JADE3: variants seen among roughly 807,000 people sequenced by gnomAD.
JADE3 encodes the protein protein Jade-3.
JADE3 carries 2 observed loss-of-function variants against 50.1 expected under a neutral mutation model. The observed-to-expected ratio is 0.04, with a 90% CI of 0.02 to 0.13. JADE3 has a LOEUF of 0.13. JADE3 is among the 10% of genes least tolerant of loss of function. JADE3 has a pLI of 1.00. For synonymous variants in JADE3, 218 were observed against 232.9 expected (o/e 0.94, Z 0.58); for missense variants, 475 against 634.4 (o/e 0.75, Z 2.70).
intron 1 of JADE3, among the ~76,000 whole-genome samples, chrX:46,970,437 G>A (rs1927459276): frequency 9.0e-6 from 1 of 111,596 alleles, no homozygotes; most frequent in Non-Finnish European, 1.9e-5. Flanking sequence ...ATTGATCTTG[G>A]GATTAACTCA....
chrX:47,008,359 C>T (rs993673088), intron 4 of JADE3, among the ~76,000 whole-genome samples: 1 of 111,892 alleles, frequency 8.9e-6, no homozygotes, highest in Middle Eastern at 4.6e-3. Flanking sequence ...AACTAATCCA[C>T]ACTTAGAAGG....
intron 1 of JADE3, among the ~76,000 whole-genome samples, chrX:46,973,842 A>G (rs1927550306): frequency 8.9e-6 from 1 of 112,110 alleles, no homozygotes; most frequent in South Asian, 3.6e-4. Flanking sequence ...GCACTTTGGG[A>G]GGCCGAAGTG....
intron 4 of JADE3, among the ~76,000 whole-genome samples, chrX:47,021,241 T>G (rs1556364378): frequency 8.9e-6 from 1 of 111,777 alleles, no homozygotes; most frequent in African/African-American, 3.3e-5. Context: ...CTGAATTGTT[T>G]TGCTCATCAG....
chrX:47,051,821 C>T (rs1260795899), intron 8 of JADE3, among the ~76,000 whole-genome samples: 2 of 82,496 alleles, frequency 2.4e-5, no homozygotes, highest in South Asian at 5.8e-4. Flanking sequence ...TTAGGCCTGG[C>T]ACAGTGGCTT....
At chrX:46,923,393 C>CTTTTTTTTT (rs782555482) in intron 1 of JADE3, among the ~76,000 whole-genome samples, 170 of 11,514 alleles carry the variant, frequency 0.015, 39 homozygotes, top group Non-Finnish European at 0.028. Context: ...CTCTCTCTCT[C>CTTTTTTTTT]TTTTTTTTTT....
At chrX:47,007,807 T>TGTGTGTGTGTG (rs1569537171) in intron 4 of JADE3, among the ~76,000 whole-genome samples, 2 of 70,834 alleles carry the variant, frequency 2.8e-5, no homozygotes, top group African/African-American at 1.3e-4. Context: ...TCCTTTTATT[T>TGTGTGTGTGTG]TGTGTGTGTG....
intron 1 of JADE3, among the ~76,000 whole-genome samples, chrX:46,917,857 TC>T (rs1926132988): frequency 1.1e-3 from 11 of 10,105 alleles, no homozygotes; most frequent in Admixed American, 1.4e-3. Flanking sequence ...CTCTCTCTCA[TC>T]CTCTCTCTCT....
chrX:46,931,527 T>C (rs1341076666), intron 1 of JADE3, among the ~76,000 whole-genome samples: 1 of 110,295 alleles, frequency 9.1e-6, no homozygotes, highest in African/African-American at 3.3e-5. Flanking sequence ...GTTCAAGCGA[T>C]TCTCCTGCCT....
At chrX:46,912,949 C>A (rs1266881309) in intron 1 of JADE3, 1 of 112,212 alleles carries the variant, frequency 8.9e-6, no homozygotes, top group Non-Finnish European at 1.9e-5. Context: ...TGCCTGGTGG[C>A]CCCTCTGCCC....
At chrX:46,933,750 A>G (rs1349746877) in intron 1 of JADE3, among the ~76,000 whole-genome samples, 1 of 111,865 alleles carries the variant, frequency 8.9e-6, no homozygotes, top group Non-Finnish European at 1.9e-5. Context: ...TTATTTAAAA[A>G]CAAAAAATCT....
intron 1 of JADE3, among the ~76,000 whole-genome samples, chrX:46,984,017 GA>G (rs1927811655): frequency 1.8e-5 from 2 of 111,992 alleles, no homozygotes; most frequent in African/African-American, 6.5e-5. Flanking sequence ...ATTCATTATG[GA>G]ATCATGATAG....
chrX:47,038,715 C>G (rs1441281665), intron 7 of JADE3, among the ~76,000 whole-genome samples: 3 of 108,069 alleles, frequency 2.8e-5, no homozygotes, highest in African/African-American at 1.0e-4. Flanking sequence ...CATGCCTAGT[C>G]TATACTCCTG....
chrX:47,006,535 A>G (rs1351085698), intron 4 of JADE3, among the ~76,000 whole-genome samples: 1 of 106,397 alleles, frequency 9.4e-6, no homozygotes, highest in Non-Finnish European at 1.9e-5. Context: ...CCCGGGCTCA[A>G]GCAATCCGAC....
rs368594098 is a variant in JADE3, at chrX:46,996,075, C to T, written c.127-2045C>T. On this transcript the variant is annotated intron_variant, in intron 3 of 10. Coordinates refer to ENST00000614628, the MANE Select transcript of JADE3 (RefSeq NM_014735.5). Reference sequence around the variant, plus strand: ...TTTTTGAGGCAGAGTCTCGCTCTGTCGCCCAGGCTGGAGTGCAGTGACGCG... The same window carrying T: ...TTTTTGAGGCAGAGTCTCGCTCTGTTGCCCAGGCTGGAGTGCAGTGACGCG... 7.0e-4 allele frequency among the ~76,000 whole-genome samples: 78 copies of T among 112,223 alleles called. No individual in the cohort carries two copies. The South Asian group carries it at 0.024, about 35-fold the overall frequency.
Position 47,054,461 on chromosome X carries a change from G to C in JADE3, c.1276G>C (p.Ala426Pro). 2.5e-6 allele frequency: 3 copies of C among 1,210,963 alleles called. No individual in the cohort carries two copies. The highest frequency in any genetic ancestry group is 3.4e-6 in the Non-Finnish European group (3 of 894,663). ...CGCAGAGCTGGGTATGCCCACGCTA[G>C]CTGTGGACTTTATCTATAACTACTG... The part of the protein sequence containing the change: ...VAAELGMPTL[A>P]VDFIYNYWKL... Residue 426 changes from alanine (A) to proline (P), a missense_variant, in exon 9 of 11, where the codon GCT becomes CCT. Around this residue, in one of 6 missense-constraint regions of JADE3, gnomAD observed 81 missense variants for 123.8 expected, o/e 0.65. Transcript: ENST00000614628.
At chrX:46,978,974 C>T (rs1249275072) in intron 1 of JADE3, among the ~76,000 whole-genome samples, 1 of 112,323 alleles carries the variant, frequency 8.9e-6, no homozygotes, top group African/African-American at 3.2e-5. Flanking sequence ...CATTTTCCTA[C>T]AATAATTAAA....
chrX:47,054,143 A>G lies in JADE3; in HGVS notation c.973-15A>G, dbSNP rs782146177. 1.6e-5 allele frequency: 18 copies of G among 1,140,712 alleles called. No homozygotes were observed. Among genetic ancestry groups the G allele is most frequent in the East Asian group, 6.0e-5 (2 of 33,204 alleles). 94.0% of individuals were successfully genotyped at this position (1,140,712 alleles called of 1,213,427 possible). A position where few individuals can be genotyped will look rare whatever the true frequency, so the allele number is the denominator to read the frequency against. Reference sequence around the variant, plus strand: ...CTCCAACTCTGCTACCTTGACACCTATTTTCTTCCTACAGTGCTCTATAAA... The same window carrying G: ...CTCCAACTCTGCTACCTTGACACCTGTTTTCTTCCTACAGTGCTCTATAAA... On this transcript the variant is annotated splice_polypyrimidine_tract_variant and intron_variant, in intron 8 of 10. Coordinates refer to ENST00000614628, the MANE Select transcript of JADE3 (RefSeq NM_014735.5).
intron 1 of JADE3, among the ~76,000 whole-genome samples, chrX:46,969,707 G>A (rs1556349817): frequency 9.2e-6 from 1 of 109,062 alleles, no homozygotes; most frequent in African/African-American, 3.3e-5. Flanking sequence ...TGTGGTGGCA[G>A]GCACCCAGCT....
rs782578317 is a variant in JADE3 at position 46,975,714 on chromosome X, C to CTTTT, written c.-11-9150_-11-9147dup. Among the ~76,000 whole-genome samples the CTTTT allele has an allele frequency of 4.2e-4, 17 of 40,516 alleles. 1 individual carries two copies. Among genetic ancestry groups the CTTTT allele is most frequent in the Non-Finnish European group, 4.3e-4 (11 of 25,559 alleles). The allele number at this position is 40,516 out of a possible 115,157, so 35.2% of individuals were successfully genotyped here. On this transcript the variant is annotated intron_variant, in intron 1 of 10. Transcript: ENST00000614628. ...TTATTTTTCTTTCTTTTTTCTTTTT[C>CTTTT]TTTTTTTTTTTTTTTTTTTTTTTGG...
Sources: allele counts gnomAD v4.1 joint callset (sites outside exome capture counted in the v4.1 genomes callset), GRCh38; gene constraint gnomAD v4.1.1; regional missense constraint gnomAD v4.1.1; transcripts MANE v1.5; gene names NCBI Gene and HGNC (gene_info 2026-07-23, HGNC 2026-07-21).